The following GLCCI1 variants were observed in gnomAD, a reference collection of about 807,000 sequenced individuals.
GLCCI1 encodes glucocorticoid induced 1, also known as glucocorticoid-induced transcript 1 protein.
GLCCI1 carries 24 observed loss-of-function variants against 52.2 expected under a neutral mutation model. The ratio of observed to expected loss-of-function variants is 0.46; its 90% confidence interval spans 0.33 to 0.65. The LOEUF (loss-of-function observed/expected upper bound fraction) is 0.65, where lower values mean the gene tolerates loss of function less well. Among genes scored for constraint, GLCCI1 ranks in the 30% least tolerant of loss-of-function variants. GLCCI1 has a pLI of 0.02. For missense variants in GLCCI1, 704 were observed against 701.5 expected (o/e 1.00, Z -0.04); for synonymous variants, 310 against 276.5 (o/e 1.12, Z -1.20).
At chr7:8,042,988 A>T (rs1363746941) in intron 3 of GLCCI1, among the ~76,000 whole-genome samples, 1 of 152,228 alleles carries the variant, frequency 6.6e-6, no homozygotes, top group Non-Finnish European at 1.5e-5. Context: ...AGAAATTACC[A>T]CAACTGCCTC....
chr7:8,018,602 G>T (rs1299689579), intron 2 of GLCCI1, among the ~76,000 whole-genome samples: 1 of 152,144 alleles, frequency 6.6e-6, no homozygotes, highest in East Asian at 1.9e-4. Flanking sequence ...AGGTTGGAAA[G>T]AAATTTCATA....
At chr7:8,011,181 A>C (rs1781255965) in intron 2 of GLCCI1, among the ~76,000 whole-genome samples, 1 of 152,166 alleles carries the variant, frequency 6.6e-6, no homozygotes, top group South Asian at 2.1e-4. Context: ...CATTTTTTAA[A>C]TGTACAGTTC....
chr7:8,044,667 G>A (rs776603359), intron 3 of GLCCI1, among the ~76,000 whole-genome samples: 11 of 152,256 alleles, frequency 7.2e-5, no homozygotes, highest in Middle Eastern at 3.4e-3. Context: ...CACTGTGCCC[G>A]GCACATCTGT....
chr7:7,969,821 C>A lies in GLCCI1; in HGVS notation c.457+14C>A. The stretch of plus-strand genomic sequence containing the variant: ...CCGTGTGCAGAGGTAGCGAGCCCAA[C>A]CCTCCCGTCCTCCCGGGCTGCGTCT... On this transcript the variant is annotated intron_variant, in intron 1 of 7. Transcript: ENST00000223145. This position sits in a 1 kb window ranked among gnomAD's most constrained non-coding sequence, Gnocchi z 4.9. 7.0e-7 allele frequency: 1 copy of A among 1,434,258 alleles called. No homozygotes were observed. The highest frequency in any genetic ancestry group is 9.1e-7 in the Non-Finnish European group (1 of 1,093,144). 88.8% of individuals were successfully genotyped at this position (1,434,258 alleles called of 1,614,324 possible). A position where few individuals can be genotyped will look rare whatever the true frequency, so the allele number is the denominator to read the frequency against.
chr7:8,002,702 A>G (rs1033884812), intron 1 of GLCCI1, among the ~76,000 whole-genome samples: 12 of 152,332 alleles, frequency 7.9e-5, no homozygotes, highest in African/African-American at 2.6e-4. Flanking sequence ...TTGATGTGAG[A>G]TATGACTCTG....
intron 5 of GLCCI1, among the ~76,000 whole-genome samples, chr7:8,067,890 T>C (rs1782666886): frequency 6.6e-6 from 1 of 152,206 alleles, no homozygotes; most frequent in Non-Finnish European, 1.5e-5. Flanking sequence ...ATTTGAATGT[T>C]GGCCTCTTTA....
intron 5 of GLCCI1, among the ~76,000 whole-genome samples, chr7:8,060,952 G>C (rs1260599725): frequency 2.6e-5 from 4 of 152,050 alleles, no homozygotes; most frequent in African/African-American, 7.2e-5. Flanking sequence ...AAGAATTCCA[G>C]TTTCTCTGCA....
intron 1 of GLCCI1, among the ~76,000 whole-genome samples, chr7:7,990,596 G>A (rs1039618231): frequency 6.6e-6 from 1 of 152,062 alleles, no homozygotes; most frequent in Non-Finnish European, 1.5e-5. Flanking sequence ...GGTGTTCTGT[G>A]TATGCAGACA....
At position 8,087,413 on chromosome 7, in the gene GLCCI1, G is replaced by A. The variant is rs1041775782; in HGVS notation, c.*875G>A. 1.3e-5 allele frequency: 2 copies of A among 152,616 alleles called. No individual in the cohort carries two copies. Among genetic ancestry groups the A allele is most frequent in the African/African-American group, 4.8e-5 (2 of 41,446 alleles). 9.5% of individuals were successfully genotyped at this position (152,616 alleles called of 1,614,324 possible). On this transcript the variant is annotated 3_prime_UTR_variant, in exon 8 of 8. Coordinates refer to ENST00000223145, the MANE Select transcript of GLCCI1 (RefSeq NM_138426.4). ...GGACTGTGACAATGTTGCAAATAAA[G>A]TGTTCAGTACTGGACTGTACATAAA...
In GLCCI1 at chr7:8,024,988, A is replaced by C. The variant is rs560275587; in HGVS notation, c.696+2419A>C. Among the ~76,000 whole-genome samples the C allele has an allele frequency of 3.6e-3, 543 of 152,376 alleles. 5 individuals are homozygous for C. Among genetic ancestry groups the C allele is most frequent in the Non-Finnish European group, 5.4e-3 (368 of 68,032 alleles). On this transcript the variant is annotated intron_variant, in intron 3 of 7. Coordinates refer to ENST00000223145, the MANE Select transcript of GLCCI1 (RefSeq NM_138426.4). ...GGTTAAAATAGTGATCTTTGTGGCAAGTAAACAGAGAGGGCCAACAGCTTT... is the reference window on the plus strand; with the variant it reads ...GGTTAAAATAGTGATCTTTGTGGCACGTAAACAGAGAGGGCCAACAGCTTT...
At chr7:8,027,487 CAAAAAT>C (rs1234022825) in intron 3 of GLCCI1, among the ~76,000 whole-genome samples, 2 of 151,546 alleles carry the variant, frequency 1.3e-5, no homozygotes, top group East Asian at 3.9e-4. Context: ...AACCCTATCT[CAAAAAT>C]AAAAGGAAGA....
At chr7:7,995,502 A>G (rs993920173) in intron 1 of GLCCI1, among the ~76,000 whole-genome samples, 13 of 152,206 alleles carry the variant, frequency 8.5e-5, no homozygotes, top group African/African-American at 3.1e-4. Context: ...AGAGCAACCC[A>G]AATGTCCATC....
intron 2 of GLCCI1, among the ~76,000 whole-genome samples, chr7:8,018,249 T>A (rs761597519): frequency 1.3e-4 from 20 of 152,296 alleles, no homozygotes; most frequent in Non-Finnish European, 2.5e-4. Context: ...AATATTTAAA[T>A]AAGATTAAAG....
At chr7:8,003,216 A>G (rs1781080652) in intron 1 of GLCCI1, among the ~76,000 whole-genome samples, 1 of 152,176 alleles carries the variant, frequency 6.6e-6, no homozygotes, top group Admixed American at 6.5e-5. Context: ...CTTAGAAGGA[A>G]GGCGAGAGGA....
chr7:8,079,721 T>C (rs749513240), intron 6 of GLCCI1, among the ~76,000 whole-genome samples: 21 of 151,602 alleles, frequency 1.4e-4, no homozygotes, highest in Admixed American at 2.6e-4. Context: ...TTCATACTTA[T>C]GGAATGAGAA....
chr7:8,012,900 A>C (rs1781299316), intron 2 of GLCCI1, among the ~76,000 whole-genome samples: 1 of 152,142 alleles, frequency 6.6e-6, no homozygotes, highest in South Asian at 2.1e-4. Flanking sequence ...ATTTTCTTCT[A>C]AGAATTTTAG....
intron 1 of GLCCI1, among the ~76,000 whole-genome samples, chr7:7,989,942 A>G (rs1780807336): frequency 6.6e-6 from 1 of 152,132 alleles, no homozygotes. Flanking sequence ...AGTGAGCTAC[A>G]TTACTTATAA....
chr7:8,041,075 AGCTGTGGAT>A (rs1781988330), intron 3 of GLCCI1, among the ~76,000 whole-genome samples: 1 of 152,220 alleles, frequency 6.6e-6, no homozygotes, highest in African/African-American at 2.4e-5. Flanking sequence ...CAAATAACCA[AGCTGTGGAT>A]GCAAAGGGAA....
At chr7:8,003,061 T>C (rs912145012) in intron 1 of GLCCI1, among the ~76,000 whole-genome samples, 1 of 152,200 alleles carries the variant, frequency 6.6e-6, no homozygotes, top group African/African-American at 2.4e-5. Flanking sequence ...TATTTATACA[T>C]GTTATTTTTG....
Sources: allele counts gnomAD v4.1 joint callset (sites outside exome capture counted in the v4.1 genomes callset), GRCh38; gene constraint gnomAD v4.1.1; non-coding constraint Gnocchi (gnomAD v3.1); transcripts MANE v1.5; gene names NCBI Gene and HGNC (gene_info 2026-07-23, HGNC 2026-07-21).